The following C8orf34 variants were observed in gnomAD, a reference collection of about 807,000 sequenced individuals.
C8orf34 encodes the protein uncharacterized protein C8orf34.
A neutral mutation model predicts 68.3 loss-of-function variants in C8orf34; 65 were observed. That is an observed-to-expected ratio of 0.95 (90% CI 0.78 to 1.17). The LOEUF is 1.17. C8orf34 is among the 50% of genes most tolerant of loss of function. The probability of loss-of-function intolerance (pLI) is 0.00; values close to 1 mark genes in which losing one functional copy is unlikely to be tolerated. For missense variants in C8orf34, 664 were observed against 655.4 expected (o/e 1.01, Z -0.14); for synonymous variants, 244 against 241.2 (o/e 1.01, Z -0.11).
intron 3 of C8orf34, among the ~76,000 whole-genome samples, chr8:68,464,108 A>G (rs1811987800): frequency 6.6e-6 from 1 of 152,340 alleles, no homozygotes; most frequent in South Asian, 2.1e-4. Flanking sequence ...AGGATACAAA[A>G]TCAATGTACA....
At chr8:68,500,635 T>C (rs1393587701) in intron 5 of C8orf34, among the ~76,000 whole-genome samples, 3 of 151,676 alleles carry the variant, frequency 2.0e-5, no homozygotes, top group Admixed American at 2.0e-4. Flanking sequence ...CCCACACACA[T>C]CCACACTCAC....
intron 1 of C8orf34, among the ~76,000 whole-genome samples, chr8:68,420,792 A>T (rs1809932661): frequency 6.6e-6 from 1 of 152,218 alleles, no homozygotes; most frequent in Non-Finnish European, 1.5e-5. Flanking sequence ...GCAGGATTAA[A>T]CATAGCTGAA....
intron 8 of C8orf34, among the ~76,000 whole-genome samples, chr8:68,652,374 T>C (rs1359254040): frequency 6.6e-6 from 1 of 152,216 alleles, no homozygotes; most frequent in Non-Finnish European, 1.5e-5. Context: ...TTTTCACTTT[T>C]TTGATGGTGT....
chr8:68,347,166 A>G (rs1177189126), intron 1 of C8orf34, among the ~76,000 whole-genome samples: 6 of 151,952 alleles, frequency 3.9e-5, no homozygotes, highest in African/African-American at 1.4e-4. Context: ...CTTTGTGTTC[A>G]TAAGTTCTTA....
At chr8:68,378,164 T>C (rs1442356505) in intron 1 of C8orf34, among the ~76,000 whole-genome samples, 1 of 152,160 alleles carries the variant, frequency 6.6e-6, no homozygotes. Flanking sequence ...ATTTATTTCT[T>C]GATTAATTTG....
At chr8:68,353,564 T>G (rs917332369) in intron 1 of C8orf34, among the ~76,000 whole-genome samples, 1 of 148,984 alleles carries the variant, frequency 6.7e-6, no homozygotes, top group African/African-American at 2.4e-5. Context: ...TATGTGTGTG[T>G]GCATATATAT....
chr8:68,352,324 C>T (rs146476280), intron 1 of C8orf34, among the ~76,000 whole-genome samples: 51 of 152,152 alleles, frequency 3.4e-4, no homozygotes, highest in East Asian at 1.4e-3. Context: ...AGTTCAGAGA[C>T]GTGAAAACTA....
intron 8 of C8orf34, among the ~76,000 whole-genome samples, chr8:68,668,326 G>T (rs1243919686): frequency 1.3e-5 from 2 of 152,034 alleles, no homozygotes; most frequent in African/African-American, 4.8e-5. Context: ...TATTGGAAAA[G>T]AATAAATAGA....
intron 12 of C8orf34, 72 bp from the exon 13 acceptor site, chr8:68,815,814 C>T (rs890662148): frequency 9.6e-5 from 154 of 1,611,656 alleles, no homozygotes; most frequent in Middle Eastern, 1.6e-4. Flanking sequence ...TTGGCTAAAG[C>T]GCTAGGGAAT....
chr8:68,485,548 C>T (rs1350495134), intron 4 of C8orf34, among the ~76,000 whole-genome samples: 1 of 151,676 alleles, frequency 6.6e-6, no homozygotes, highest in Non-Finnish European at 1.5e-5. Context: ...CCCGTCTCTA[C>T]TAAAAATACA....
upstream of C8orf34, chr8:68,330,892 C>T (rs1484746571): frequency 5.9e-6 from 5 of 850,412 alleles, no homozygotes; most frequent in Non-Finnish European, 8.3e-6. Flanking sequence ...AGCTCGCCTC[C>T]CGCCCCCTGA....
At chr8:68,604,789 G>A (rs1817806187) in intron 7 of C8orf34, among the ~76,000 whole-genome samples, 2 of 152,024 alleles carry the variant, frequency 1.3e-5, no homozygotes, top group African/African-American at 2.4e-5. Context: ...AGATCACCTC[G>A]AGTTTGGTGA....
chr8:68,791,191 G>A (rs980490466), intron 12 of C8orf34: 50 of 401,378 alleles, frequency 1.2e-4, no homozygotes, highest in Non-Finnish European at 1.5e-4. Flanking sequence ...CCCCATGTCT[G>A]GGGAGGCCTC....
intron 1 of C8orf34, among the ~76,000 whole-genome samples, chr8:68,369,582 T>C (rs1807467945): frequency 6.6e-6 from 1 of 152,216 alleles, no homozygotes; most frequent in African/African-American, 2.4e-5. Flanking sequence ...ACATGTAACT[T>C]ACCTGTGCAT....
chr8:68,650,576 T>A (rs1819325226), intron 8 of C8orf34, among the ~76,000 whole-genome samples: 1 of 145,962 alleles, frequency 6.9e-6, no homozygotes, highest in Non-Finnish European at 1.5e-5. Flanking sequence ...GCCTCCCGGG[T>A]TCACGCCATT....
At position 68,439,648 on chromosome 8, in the gene C8orf34, TA is replaced by T. The variant is rs1387200223; in HGVS notation, c.475+5del. 1.2e-6 allele frequency: 2 copies of T among 1,608,688 alleles called. No individual in the cohort carries two copies. The highest frequency in any genetic ancestry group is 1.7e-6 in the Non-Finnish European group (2 of 1,178,410). ...TATGGGCAGAAAGTGAAAAATCAGG[TA>T]AATGAAGAATGTCTATGCAGTTAAT... is the stretch of plus-strand genomic sequence containing the variant. On this transcript the variant is annotated splice_donor_region_variant and intron_variant, in intron 2 of 13. Transcript: ENST00000518698.
intron 3 of C8orf34, among the ~76,000 whole-genome samples, chr8:68,464,350 A>G (rs1165335075): frequency 6.6e-6 from 1 of 152,204 alleles, no homozygotes; most frequent in Non-Finnish European, 1.5e-5. Context: ...GGAAGAATCA[A>G]GATCGTGAAA....
intron 8 of C8orf34, among the ~76,000 whole-genome samples, chr8:68,687,687 C>T (rs768706547): frequency 6.6e-5 from 10 of 152,040 alleles, no homozygotes; most frequent in African/African-American, 2.2e-4. Flanking sequence ...AAAAACTCTT[C>T]GGGATATTGG....
At chr8:68,511,060 T>C (rs57831430) in intron 5 of C8orf34, among the ~76,000 whole-genome samples, 34,011 of 152,138 alleles carry the variant, frequency 0.22, 5,898 homozygotes, top group African/African-American at 0.49. Context: ...AGTCAAAGCC[T>C]TGGTAAAATA....
Sources: allele counts gnomAD v4.1 joint callset (sites outside exome capture counted in the v4.1 genomes callset), GRCh38; gene constraint gnomAD v4.1.1; transcripts MANE v1.5; gene names NCBI Gene and HGNC (gene_info 2026-07-23, HGNC 2026-07-21).